Variants in SUV39H2 observed in about 807,000 individuals in gnomAD.
SUV39H2 encodes SUV39H2 histone lysine methyltransferase.
Under a neutral mutation model 47.5 loss-of-function variants are expected in SUV39H2, and 10 were observed. That is an observed-to-expected ratio of 0.21 (90% CI 0.13 to 0.36). The LOEUF is 0.36. Among genes scored for constraint, SUV39H2 ranks in the 10% least tolerant of loss-of-function variants. The pLI, the probability that SUV39H2 is intolerant of heterozygous loss-of-function variation, is 1.00. For missense variants in SUV39H2, 266 were observed against 487.4 expected, an observed-to-expected ratio of 0.55 and a Z score of 4.28; for synonymous variants, 159 against 166.8, an observed-to-expected ratio of 0.95 and a Z score of 0.36.
In SUV39H2 at chr10:14,886,800, G is replaced by T. The variant is rs74870099; in HGVS notation, c.177+5155G>T. 4.6e-5 allele frequency among the ~76,000 whole-genome samples: 7 copies of T among 152,350 alleles called. No individual in the cohort carries two copies. In the East Asian group the frequency reaches 1.2e-3, roughly 25 times the overall value. ...TTTGACAAAGAAATAACCCGTTGCA[G>T]TGTAGATGTATAAAAAGTGCTGTGG... is the stretch of plus-strand genomic sequence containing the variant. On this transcript the variant is annotated intron_variant, in intron 2 of 5. Coordinates refer to ENST00000354919, the MANE Select transcript of SUV39H2 (RefSeq NM_001193424.2).
At chr10:14,893,339 G>A (rs546145486) in intron 2 of SUV39H2, among the ~76,000 whole-genome samples, 1 of 151,916 alleles carries the variant, frequency 6.6e-6, no homozygotes, top group South Asian at 2.1e-4. Flanking sequence ...TCACCATGTT[G>A]GCCAGGCTGT....
intron 3 of SUV39H2, 30 bp from the exon 4 acceptor site, chr10:14,899,509 C>T (rs373066474): frequency 1.3e-5 from 21 of 1,609,710 alleles, no homozygotes; most frequent in East Asian, 4.5e-5. Context: ...TCAGTAGCTA[C>T]GTAATATACT....
intron 2 of SUV39H2, among the ~76,000 whole-genome samples, chr10:14,895,350 G>T (rs1042286266): frequency 6.6e-6 from 1 of 151,774 alleles, no homozygotes; most frequent in African/African-American, 2.4e-5. Context: ...CTAATTTTTT[G>T]TATTTTTAGT....
At chr10:14,882,431 C>G (rs1436866782) in intron 2 of SUV39H2, among the ~76,000 whole-genome samples, 1 of 152,210 alleles carries the variant, frequency 6.6e-6, no homozygotes, top group Admixed American at 6.5e-5. Flanking sequence ...CTTCCCTGCT[C>G]AGTGGGATCT....
Position 14,896,884 on chromosome 10 carries a change from A to G in SUV39H2, c.216A>G (p.Pro72=). The G allele has an allele frequency of 1.9e-6, 3 of 1,601,462 alleles. No homozygotes were observed. ...EYYLVKWKGW[P]DSTNTWEPLQ... ...ATCTTGTAAAATGGAAAGGATGGCC[A>G]GATTCTACAAATACTTGGGAACCTT... Residue 72 remains proline (P), a synonymous_variant, in exon 3 of 6, where the codon CCA becomes CCG. Transcript: ENST00000354919.
chr10:14,883,977 C>T (rs1040801755), intron 2 of SUV39H2, among the ~76,000 whole-genome samples: 3 of 152,154 alleles, frequency 2.0e-5, no homozygotes, highest in Non-Finnish European at 2.9e-5. Flanking sequence ...AGCGTGTTTT[C>T]AGGGTTCATT....
intron 2 of SUV39H2, among the ~76,000 whole-genome samples, chr10:14,886,933 T>G (rs887485941): frequency 9.2e-5 from 14 of 152,200 alleles, no homozygotes; most frequent in Non-Finnish European, 2.1e-4. Context: ...TGTAATTGAC[T>G]AGGGCTTCTG....
In SUV39H2 at chr10:14,903,598, G is replaced by A. The variant is rs971566651; in HGVS notation, c.*1086G>A. 1.3e-5 allele frequency: 2 copies of A among 152,092 alleles called. No individual in the cohort carries two copies. Among genetic ancestry groups the A allele is most frequent in the African/African-American group, 4.8e-5 (2 of 41,422 alleles). The allele number at this position is 152,092 out of a possible 1,614,324, so 9.4% of individuals were successfully genotyped here. A position where few individuals can be genotyped will look rare whatever the true frequency, so the allele number is the denominator to read the frequency against. ...AAAGCTAAACTTGGCCAAAGTGTGT[G>A]CCTGAATTATTAGACCTTTTTATTA... On this transcript the variant is annotated 3_prime_UTR_variant, in exon 6 of 6. Coordinates refer to ENST00000354919, the MANE Select transcript of SUV39H2 (RefSeq NM_001193424.2).
chr10:14,903,349 C>T lies in SUV39H2; in HGVS notation c.*837C>T, dbSNP rs1157040537. Reference sequence around the variant, plus strand: ...AGTAACATGAATTGGAAATCTGTGTCGAGTACCTCTGATCTAAACGGTAAA... The same window carrying T: ...AGTAACATGAATTGGAAATCTGTGTTGAGTACCTCTGATCTAAACGGTAAA... On this transcript the variant is annotated 3_prime_UTR_variant, in exon 6 of 6. Transcript: ENST00000354919. The T allele has an allele frequency of 6.6e-6, 1 of 152,132 alleles. No individual in the cohort carries two copies. Among genetic ancestry groups the T allele is most frequent in the Non-Finnish European group, 1.5e-5 (1 of 68,028 alleles). 9.4% of individuals were successfully genotyped at this position (152,132 alleles called of 1,614,324 possible). A position where few individuals can be genotyped will look rare whatever the true frequency, so the allele number is the denominator to read the frequency against.
At position 14,878,877 on chromosome 10, in the gene SUV39H2, A is replaced by G; in HGVS notation, c.-12A>G. 1 of 1,488,202 alleles carries G rather than the reference A, an allele frequency of 6.7e-7. No individual in the cohort carries two copies. The highest frequency in any genetic ancestry group is 8.9e-7 in the Non-Finnish European group (1 of 1,118,512). 92.2% of individuals were successfully genotyped at this position (1,488,202 alleles called of 1,614,324 possible). ...CGTCAGACCGCGCCAGTTTGAATGA[A>G]AGCTCTACAAGATGGCGGCGGTCGG... On this transcript the variant is annotated 5_prime_UTR_variant, in exon 1 of 6. Transcript: ENST00000354919.
At chr10:14,890,466 C>T (rs1466852665) in intron 2 of SUV39H2, among the ~76,000 whole-genome samples, 1 of 152,174 alleles carries the variant, frequency 6.6e-6, no homozygotes, top group African/African-American at 2.4e-5. Flanking sequence ...GATCTTGGCT[C>T]ACTGCAGCCT....
At chr10:14,879,882 T>G (rs1832992078) in intron 1 of SUV39H2, 1 of 152,140 alleles carries the variant, frequency 6.6e-6, no homozygotes, top group Admixed American at 6.6e-5. Flanking sequence ...AGATTGTCTT[T>G]CTTTTTTTAA....
intron 1 of SUV39H2, among the ~76,000 whole-genome samples, chr10:14,880,482 A>G (rs1224825319): frequency 2.0e-5 from 3 of 152,182 alleles, no homozygotes; most frequent in African/African-American, 4.8e-5. Context: ...ATTTTTTTCC[A>G]GTGAATCTGA....
At chr10:14,882,085 A>G (rs908690079) in intron 2 of SUV39H2, among the ~76,000 whole-genome samples, 2 of 152,222 alleles carry the variant, frequency 1.3e-5, no homozygotes, top group South Asian at 2.1e-4. Context: ...GTTCTAGGTT[A>G]TAATAGAATG....
At chr10:14,902,089 G>A (rs977919478) in intron 5 of SUV39H2, among the ~76,000 whole-genome samples, 1 of 152,056 alleles carries the variant, frequency 6.6e-6, no homozygotes, top group Non-Finnish European at 1.5e-5. Flanking sequence ...ATGTGTATTA[G>A]ATATTCCCAG....
chr10:14,888,349 G>A (rs913726488), intron 2 of SUV39H2, among the ~76,000 whole-genome samples: 17 of 152,066 alleles, frequency 1.1e-4, no homozygotes, highest in South Asian at 4.1e-4. Flanking sequence ...AAAATGGGAA[G>A]AGTTGGCCGG....
intron 2 of SUV39H2, 131 bp downstream of exon 2, chr10:14,881,776 T>C: frequency 1.2e-6 from 1 of 814,532 alleles, no homozygotes; most frequent in African/African-American, 1.8e-5. Flanking sequence ...GATAAATTTA[T>C]ATGTCCTATC....
In SUV39H2 at chr10:14,880,791, CGTTTTAAAA is replaced by C. The variant is rs371272847; in HGVS notation, c.32-704_32-696del. On this transcript the variant is annotated intron_variant, in intron 1 of 5. Coordinates refer to ENST00000354919, the MANE Select transcript of SUV39H2 (RefSeq NM_001193424.2). Reference sequence around the variant, plus strand: ...TACATGGCTTATGTAAATTGAACACCGTTTTAAAAGTTTGGCTTTAAAAACAGTACAGTC... The same window carrying C: ...TACATGGCTTATGTAAATTGAACACCGTTTGGCTTTAAAAACAGTACAGTC... Among the ~76,000 whole-genome samples the C allele has an allele frequency of 1.1e-4, 16 of 152,174 alleles. 2 individuals are homozygous for C. The highest frequency in any genetic ancestry group is 3.6e-4 in the African/African-American group (15 of 41,496).
At chr10:14,883,467 G>T (rs983862692) in intron 2 of SUV39H2, among the ~76,000 whole-genome samples, 1 of 151,682 alleles carries the variant, frequency 6.6e-6, no homozygotes, top group African/African-American at 2.4e-5. Flanking sequence ...CACTTTGGGG[G>T]GCCAAGGCGG....
Sources: allele counts gnomAD v4.1 joint callset (sites outside exome capture counted in the v4.1 genomes callset), GRCh38; gene constraint gnomAD v4.1.1; transcripts MANE v1.5; gene names NCBI Gene and HGNC (gene_info 2026-07-23, HGNC 2026-07-21).